Variants in TTBK1 observed in about 807,000 individuals in gnomAD.
TTBK1 encodes the protein tau tubulin kinase 1, also known as tau-tubulin kinase 1.
Under a neutral mutation model 108.5 loss-of-function variants are expected in TTBK1, and 34 were observed. That is an observed-to-expected ratio of 0.31 (90% CI 0.24 to 0.42). The LOEUF is 0.42. Ranked by LOEUF, TTBK1 falls within the 10% of genes least tolerant of loss-of-function variation. The probability of loss-of-function intolerance (pLI) is 1.00; values close to 1 mark genes in which losing one functional copy is unlikely to be tolerated. For synonymous variants in TTBK1, 809 were observed against 795.1 expected, an observed-to-expected ratio of 1.02 and a Z score of -0.29; for missense variants, 1,539 against 1,826.0, an observed-to-expected ratio of 0.84 and a Z score of 2.86.
chr6:43,269,163 G>A lies in TTBK1; in HGVS notation c.1986+5813G>A, dbSNP rs774501212. On this transcript the variant is annotated intron_variant, in intron 13 of 14. Transcript: ENST00000259750. This position sits in a 1 kb window ranked among gnomAD's most constrained non-coding sequence, Gnocchi z 4.8. ...TCCCAACACCTCCCTGTGATGGGGCGGGGGTGCCAAGGCGGAGGGTGTACA... is the reference window on the plus strand; with the variant it reads ...TCCCAACACCTCCCTGTGATGGGGCAGGGGTGCCAAGGCGGAGGGTGTACA... Among the ~76,000 whole-genome samples the A allele has an allele frequency of 7.2e-5, 11 of 152,246 alleles. No individual in the cohort carries two copies. The highest frequency in any genetic ancestry group is 1.2e-4 in the African/African-American group (5 of 41,460).
intron 13 of TTBK1, among the ~76,000 whole-genome samples, chr6:43,275,104 G>A (rs1777931926): frequency 1.3e-5 from 2 of 152,114 alleles, no homozygotes; most frequent in Admixed American, 6.5e-5. Context: ...CCGTAGCTGC[G>A]CGCACTTCGC....
At position 43,284,228 on chromosome 6, in the gene TTBK1, G is replaced by A. The variant is rs779488769; in HGVS notation, c.3488G>A (p.Arg1163His). 9 of 1,595,880 alleles carry A rather than the reference G, an allele frequency of 5.6e-6. No individual in the cohort carries two copies. The highest frequency in any genetic ancestry group is 1.7e-5 in the Admixed American group (1 of 59,648). The change falls in exon 14 of 15, where the codon CGC (arginine) becomes CAC (histidine). Residue 1163 changes from arginine to histidine, a missense_variant. Coordinates refer to ENST00000259750, the MANE Select transcript of TTBK1 (RefSeq NM_032538.3). Reference sequence around the variant, plus strand: ...CGGATTCCCCGCCCCATTGGCCTCCGCATGCCCATGCCTGTTGCAGCCCAG... The same window carrying A: ...CGGATTCCCCGCCCCATTGGCCTCCACATGCCCATGCCTGTTGCAGCCCAG... ...RSRIPRPIGL[R>H]MPMPVAAQQP... is the part of the protein sequence containing the mutation.
Position 43,276,952 on chromosome 6 carries a change from G to C in TTBK1, c.1987-5775G>C, listed in dbSNP as rs1311226025. Among the ~76,000 whole-genome samples, 1 of 152,044 alleles carries C rather than the reference G, an allele frequency of 6.6e-6. No homozygotes were observed. Among genetic ancestry groups the C allele is most frequent in the Non-Finnish European group, 1.5e-5 (1 of 68,024 alleles). ...GAACGGGTGGGGAGGGAAGGGGTGAGTGGACTCTGGTCTCTGGGACTCAGC... is the reference window on the plus strand; with the variant it reads ...GAACGGGTGGGGAGGGAAGGGGTGACTGGACTCTGGTCTCTGGGACTCAGC... On this transcript the variant is annotated intron_variant, in intron 13 of 14. Coordinates refer to ENST00000259750, the MANE Select transcript of TTBK1 (RefSeq NM_032538.3). The surrounding 1 kb of genome is among the most constrained non-coding windows in gnomAD (Gnocchi z 5.4).
chr6:43,280,397 T>C (rs1778123669), intron 13 of TTBK1, among the ~76,000 whole-genome samples: 1 of 151,780 alleles, frequency 6.6e-6, no homozygotes, highest in South Asian at 2.1e-4. Flanking sequence ...AGGTGGGAGG[T>C]AGGGGTGGGA....
chr6:43,258,066 G>C, intron 10 of TTBK1, 100 bp downstream of exon 10: 1 of 1,372,422 alleles, frequency 7.3e-7, no homozygotes, highest in South Asian at 1.4e-5. Flanking sequence ...GGACACACTT[G>C]GCTATCTTTC....
At chr6:43,272,884 G>A (rs535856809) in intron 13 of TTBK1, among the ~76,000 whole-genome samples, 81 of 151,514 alleles carry the variant, frequency 5.3e-4, no homozygotes, top group African/African-American at 1.8e-3. Flanking sequence ...TGGGGAAAGC[G>A]TGTAGCCTCC....
chr6:43,271,074 C>T, intron 13 of TTBK1: 3 of 985,536 alleles, frequency 3.0e-6, no homozygotes, highest in South Asian at 4.7e-5. Context: ...ACCTTCACTG[C>T]AGGGAGCCCA....
At chr6:43,272,860 A>G (rs950889081) in intron 13 of TTBK1, among the ~76,000 whole-genome samples, 2 of 152,098 alleles carry the variant, frequency 1.3e-5, no homozygotes, top group Non-Finnish European at 2.9e-5. Flanking sequence ...ATGTTTCAAG[A>G]TTGATACCCT....
In TTBK1 at chr6:43,284,277, CGCGGCCCCA is replaced by C; in HGVS notation, c.3540_3548del (p.Ala1181_Ala1183del). ...AGCAGCCCGCCAGCAGATCCCATGGCGCGGCCCCAGCATTGGACACAGCCATCACCAGCA... is the reference window on the plus strand; with the variant it reads ...AGCAGCCCGCCAGCAGATCCCATGGCGCATTGGACACAGCCATCACCAGCA... On this transcript the variant is annotated inframe_deletion, in exon 14 of 15. Transcript: ENST00000259750. 1 of 1,588,602 alleles carries C rather than the reference CGCGGCCCCA, an allele frequency of 6.3e-7. No individual in the cohort carries two copies.
chr6:43,275,405 T>A (rs955727493), intron 13 of TTBK1, among the ~76,000 whole-genome samples: 4 of 131,338 alleles, frequency 3.0e-5, no homozygotes, highest in Non-Finnish European at 7.3e-5. Context: ...TGCTTTTCCC[T>A]GCTGCTGGCT....
intron 13 of TTBK1, among the ~76,000 whole-genome samples, chr6:43,274,626 G>A (rs1777915536): frequency 9.6e-6 from 1 of 103,980 alleles, no homozygotes; most frequent in African/African-American, 3.8e-5. Context: ...TCTCTCCGGA[G>A]GGCCTGAACC....
rs1258300594 is a variant in TTBK1, at chr6:43,269,992, GT to G, written c.1986+6643del. The G allele has an allele frequency of 3.1e-5, 44 of 1,429,464 alleles. No homozygotes were observed. The African/African-American group carries it at 5.2e-4, about 17-fold the overall frequency. The allele number at this position is 1,429,464 out of a possible 1,614,324, so 88.5% of individuals were successfully genotyped here. A position where few individuals can be genotyped will look rare whatever the true frequency, so the allele number is the denominator to read the frequency against. On this transcript the variant is annotated intron_variant, in intron 13 of 14. Transcript: ENST00000259750. This position sits in a 1 kb window ranked among gnomAD's most constrained non-coding sequence, Gnocchi z 4.8. ...TCCTGGAGGGGGCAGGTGGGGGGGG[GT>G]GGGGAGCAGGCAGAGGACCATGGTT...
chr6:43,268,631 C>T (rs549726542), intron 13 of TTBK1, among the ~76,000 whole-genome samples: 80 of 152,270 alleles, frequency 5.3e-4, no homozygotes, highest in African/African-American at 1.8e-3. Flanking sequence ...ACACCCTGGG[C>T]GCCATTTCTA....
rs1778429951 is a variant in TTBK1 at position 43,288,167 on chromosome 6, C to CCA, written c.*2793_*2794dup. ...TCTGCCCATCCTGCACCTGTCCACC[C>CCA]CACCCCAACACCCTGGAAGCCACTG... On this transcript the variant is annotated 3_prime_UTR_variant, in exon 15 of 15. Coordinates refer to ENST00000259750, the MANE Select transcript of TTBK1 (RefSeq NM_032538.3). The surrounding 1 kb of genome is among the most constrained non-coding windows in gnomAD (Gnocchi z 4.4). 1 of 152,854 alleles carries CCA rather than the reference C, an allele frequency of 6.5e-6. No homozygotes were observed. Among genetic ancestry groups the CCA allele is most frequent in the South Asian group, 2.1e-4 (1 of 4,840 alleles). The allele number at this position is 152,854 out of a possible 1,614,324, so 9.5% of individuals were successfully genotyped here.
At chr6:43,248,521 G>A (rs904286915) in intron 2 of TTBK1, among the ~76,000 whole-genome samples, 2 of 152,154 alleles carry the variant, frequency 1.3e-5, no homozygotes, top group African/African-American at 4.8e-5. Context: ...TCACGAGTTC[G>A]AGACCAGGCT....
intron 9 of TTBK1, among the ~76,000 whole-genome samples, chr6:43,256,508 G>A (rs1409052288): frequency 6.6e-6 from 1 of 152,068 alleles, no homozygotes; most frequent in East Asian, 2.0e-4. Flanking sequence ...GGAGGCCGAG[G>A]TGGGCAGATC....
In TTBK1 at chr6:43,263,233, C is replaced by T. The variant is rs557127729; in HGVS notation, c.1869C>T (p.Gly623=). 9.6e-6 allele frequency: 15 copies of T among 1,569,824 alleles called. No homozygotes were observed. The highest frequency in any genetic ancestry group is 9.3e-5 in the East Asian group (4 of 42,990). ...PQPLPPQLSQ[G]DGRSETSQPP... ...CCCTGCCACCCCAGCTGAGCCAGGG[C>T]GATGGCCGTTCCGAGACGTCACAGC... The change falls in exon 13 of 15, where the codon GGC becomes GGT. Residue 623 remains glycine (G), a synonymous_variant. Transcript: ENST00000259750. The surrounding 1 kb of genome is among the most constrained non-coding windows in gnomAD (Gnocchi z 4.7).
intron 13 of TTBK1, chr6:43,272,075 T>C (rs940511367): frequency 7.3e-5 from 72 of 985,396 alleles, no homozygotes; most frequent in Middle Eastern, 5.2e-4. Context: ...CCCCTCCTGC[T>C]GGCACTGCCT....
In TTBK1 at chr6:43,269,108, G is replaced by A. The variant is rs903892654; in HGVS notation, c.1986+5758G>A. The stretch of plus-strand genomic sequence containing the variant: ...CAAACACGAGTAATTGGGCTCTAGA[G>A]TACCACCTTATGCCGCATGGTCACC... On this transcript the variant is annotated intron_variant, in intron 13 of 14. Transcript: ENST00000259750. This position sits in a 1 kb window ranked among gnomAD's most constrained non-coding sequence, Gnocchi z 4.8. Among the ~76,000 whole-genome samples, 1 of 152,228 alleles carries A rather than the reference G, an allele frequency of 6.6e-6. No homozygotes were observed. The highest frequency in any genetic ancestry group is 2.1e-4 in the South Asian group (1 of 4,836).
Sources: gnomAD v4.1 joint callset for allele counts (sites outside exome capture counted in the v4.1 genomes callset) on GRCh38, gnomAD v4.1.1 for gene constraint, Gnocchi (gnomAD v3.1) non-coding constraint, MANE v1.5 for transcripts, NCBI Gene and HGNC (gene_info 2026-07-23, HGNC 2026-07-21) for gene names.